Variants in SDK1 observed in about 807,000 individuals in gnomAD.
SDK1 encodes the protein protein sidekick-1.
Under a neutral mutation model 245.5 loss-of-function variants are expected in SDK1, and 157 were observed. The ratio of observed to expected loss-of-function variants is 0.64; its 90% CI spans 0.56 to 0.73. The LOEUF is 0.73. SDK1 is among the 30% of genes least tolerant of loss of function. The probability of loss-of-function intolerance (pLI) is 0.00; values close to 1 mark genes in which losing one functional copy is unlikely to be tolerated. For missense variants in SDK1, 3,583 were observed against 3,002.3 expected (o/e 1.19, Z -4.52); for synonymous variants, 1,647 against 1,278.5 (o/e 1.29, Z -6.15).
intron 1 of SDK1, among the ~76,000 whole-genome samples, chr7:3,433,234 C>G (rs532429400): frequency 1.3e-5 from 2 of 152,138 alleles, no homozygotes; most frequent in Non-Finnish European, 2.9e-5. Context: ...CTGCCTCAAC[C>G]CTCTAGTTTC....
chr7:3,742,270 C>G (rs1170006398), intron 4 of SDK1, among the ~76,000 whole-genome samples: 4 of 152,016 alleles, frequency 2.6e-5, no homozygotes, highest in Admixed American at 2.6e-4. Flanking sequence ...ACACACCACT[C>G]TGGCATACAG....
At chr7:3,496,520 A>G (rs1371379841) in intron 1 of SDK1, among the ~76,000 whole-genome samples, 1 of 151,686 alleles carries the variant, frequency 6.6e-6, no homozygotes, top group Non-Finnish European at 1.5e-5. Flanking sequence ...TTGCTCCCTA[A>G]TTATAAAATA....
chr7:3,829,578 C>T (rs1779863395), intron 5 of SDK1, among the ~76,000 whole-genome samples: 1 of 152,140 alleles, frequency 6.6e-6, no homozygotes, highest in Non-Finnish European at 1.5e-5. Flanking sequence ...TCCCAAAACC[C>T]TCGTTTCTCC....
rs149481032 is a variant in SDK1, at chr7:3,370,796, A to G, written c.298+68912A>G. 7.0e-3 allele frequency among the ~76,000 whole-genome samples: 1,062 copies of G among 152,326 alleles called. 13 individuals are homozygous for G. Among genetic ancestry groups the G allele is most frequent in the South Asian group, 0.018 (88 of 4,824 alleles). Reference sequence around the variant, plus strand: ...TTTAAAATTCATGTACACAGTGTGCATAGCTTTGGGAGGCCTTGGGTCATG... The same window carrying G: ...TTTAAAATTCATGTACACAGTGTGCGTAGCTTTGGGAGGCCTTGGGTCATG... On this transcript the variant is annotated intron_variant, in intron 1 of 44. Coordinates refer to ENST00000404826, the MANE Select transcript of SDK1 (RefSeq NM_152744.4).
At chr7:3,771,774 G>C (rs1258375161) in intron 4 of SDK1, among the ~76,000 whole-genome samples, 2 of 151,882 alleles carry the variant, frequency 1.3e-5, no homozygotes, top group Admixed American at 6.6e-5. Context: ...AAAATTTACT[G>C]TCTTAACCAT....
chr7:3,801,708 G>C (rs897071704), intron 4 of SDK1, among the ~76,000 whole-genome samples: 1 of 152,172 alleles, frequency 6.6e-6, no homozygotes, highest in African/African-American at 2.4e-5. Context: ...CTGTCTCTCT[G>C]GTTCCTTCTC....
Position 4,266,770 on chromosome 7 carries a change from G to T in SDK1, c.*1386G>T. Reference sequence around the variant, plus strand: ...CGGGTCTGGATGGAACGGGAGCACTGCTGGTGCCCACTGGCGTGTGTGCCC... The same window carrying T: ...CGGGTCTGGATGGAACGGGAGCACTTCTGGTGCCCACTGGCGTGTGTGCCC... On this transcript the variant is annotated 3_prime_UTR_variant, in exon 45 of 45. Coordinates refer to ENST00000404826, the MANE Select transcript of SDK1 (RefSeq NM_152744.4). 4 of 985,454 alleles carry T rather than the reference G, an allele frequency of 4.1e-6. No individual in the cohort carries two copies. Among genetic ancestry groups the T allele is most frequent in the Non-Finnish European group, 4.8e-6 (4 of 829,956 alleles). 61.0% of individuals were successfully genotyped at this position (985,454 alleles called of 1,614,324 possible).
chr7:3,478,098 G>C (rs1438632240), intron 1 of SDK1, among the ~76,000 whole-genome samples: 1 of 152,008 alleles, frequency 6.6e-6, no homozygotes, highest in African/African-American at 2.4e-5. Flanking sequence ...TTAAATCACT[G>C]TATCAGTAAA....
intron 17 of SDK1, among the ~76,000 whole-genome samples, chr7:4,044,958 G>A (rs1356216091): frequency 1.3e-5 from 2 of 152,104 alleles, no homozygotes; most frequent in Non-Finnish European, 2.9e-5. Context: ...CACTTGGCAA[G>A]CACTGCTGTT....
At chr7:3,773,706 T>C (rs1179195924) in intron 4 of SDK1, among the ~76,000 whole-genome samples, 1 of 152,200 alleles carries the variant, frequency 6.6e-6, no homozygotes, top group East Asian at 1.9e-4. Flanking sequence ...TTTTTGTTTT[T>C]TGTTTTGCTG....
chr7:4,253,896 C>T (rs557002368), intron 44 of SDK1, among the ~76,000 whole-genome samples: 1 of 152,010 alleles, frequency 6.6e-6, no homozygotes, highest in Non-Finnish European at 1.5e-5. Flanking sequence ...ATCTTTATTC[C>T]CTATTTTCCA....
At chr7:4,015,828 C>T (rs2128151385) in intron 16 of SDK1, among the ~76,000 whole-genome samples, 1 of 152,254 alleles carries the variant, frequency 6.6e-6, no homozygotes, top group South Asian at 2.1e-4. Flanking sequence ...ACTCAAGGGC[C>T]ATCTGCTTAT....
chr7:3,738,969 GT>G (rs141078360), intron 4 of SDK1, among the ~76,000 whole-genome samples: 18,426 of 151,030 alleles, frequency 0.12, 1,677 homozygotes, highest in African/African-American at 0.25. Flanking sequence ...TTGTTTTTTT[GT>G]TTTTTTAAAA....
At chr7:4,178,711 CG>C in intron 35 of SDK1, 125 bp downstream of exon 35, 1 of 677,384 alleles carries the variant, frequency 1.5e-6, no homozygotes, top group East Asian at 2.6e-5. Flanking sequence ...ACATTGCTGT[CG>C]GGGCTGAGGT....
chr7:3,434,396 A>AT (rs2128585670), intron 1 of SDK1, among the ~76,000 whole-genome samples: 1 of 152,260 alleles, frequency 6.6e-6, no homozygotes, highest in African/African-American at 2.4e-5. Flanking sequence ...TTTTGAGGCT[A>AT]TGTGCCCTAC....
intron 1 of SDK1, among the ~76,000 whole-genome samples, chr7:3,511,587 A>G (rs1782579393): frequency 6.6e-6 from 1 of 152,108 alleles, no homozygotes; most frequent in South Asian, 2.1e-4. Flanking sequence ...TGTCTTCTTA[A>G]CATTGTTGAT....
At chr7:3,816,764 T>C (rs1357822917) in intron 4 of SDK1, among the ~76,000 whole-genome samples, 1 of 152,186 alleles carries the variant, frequency 6.6e-6, no homozygotes, top group Non-Finnish European at 1.5e-5. Context: ...GCTTAAATTG[T>C]GAGGCATGAG....
At chr7:3,860,963 A>AC (rs1295630067) in intron 5 of SDK1, among the ~76,000 whole-genome samples, 8 of 152,122 alleles carry the variant, frequency 5.3e-5, no homozygotes, top group Non-Finnish European at 1.2e-4. Context: ...ATCCAAGGTT[A>AC]CCGGGGTCTC....
intron 5 of SDK1, among the ~76,000 whole-genome samples, chr7:3,919,433 C>T (rs1779509124): frequency 6.6e-6 from 1 of 152,238 alleles, no homozygotes; most frequent in East Asian, 1.9e-4. Flanking sequence ...TCCTGCCCTA[C>T]ACCCGTCAAG....
Sources: gnomAD v4.1 joint callset for allele counts (sites outside exome capture counted in the v4.1 genomes callset) on GRCh38, gnomAD v4.1.1 for gene constraint, MANE v1.5 for transcripts, NCBI Gene and HGNC (gene_info 2026-07-23, HGNC 2026-07-21) for gene names.